UGGT2: variants seen among roughly 807,000 people sequenced by gnomAD.
The protein encoded by UGGT2 is UDP-glucose:glycoprotein glucosyltransferase 2.
In UGGT2, 180 loss-of-function variants were observed where a neutral mutation model predicts 192.1. The ratio of observed to expected loss-of-function variants is 0.94; its 90% CI spans 0.83 to 1.06. The LOEUF is 1.06. UGGT2 is among the 50% of genes least tolerant of loss of function. The probability of loss-of-function intolerance (pLI) is 0.00; values close to 1 mark genes in which losing one functional copy is unlikely to be tolerated. For missense variants in UGGT2, 1,849 were observed against 1,795.7 expected (o/e 1.03, Z -0.54); for synonymous variants, 580 against 591.0 (o/e 0.98, Z 0.27).
chr13:95,897,000 C>T (rs1447416311), intron 22 of UGGT2, among the ~76,000 whole-genome samples: 1 of 152,064 alleles, frequency 6.6e-6, no homozygotes, highest in African/African-American at 2.4e-5. Flanking sequence ...GAAGTTTGAT[C>T]AACTAGTTTT....
intron 2 of UGGT2, among the ~76,000 whole-genome samples, chr13:96,025,456 C>T (rs1341726560): frequency 2.6e-5 from 4 of 152,318 alleles, no homozygotes; most frequent in East Asian, 3.9e-4. Context: ...CAAACAATGT[C>T]TTAGTGGCAC....
intron 26 of UGGT2, chr13:95,887,492 A>G: frequency 3.2e-6 from 1 of 312,058 alleles, no homozygotes; most frequent in Non-Finnish European, 6.4e-6. Flanking sequence ...GGTTATTCTA[A>G]GCTAATTTTA....
chr13:95,868,944 T>A (rs926695672), intron 29 of UGGT2, among the ~76,000 whole-genome samples: 17 of 152,050 alleles, frequency 1.1e-4, no homozygotes, highest in Admixed American at 3.3e-4. Flanking sequence ...TGCAGGTTTG[T>A]TACATATGTA....
intron 11 of UGGT2, among the ~76,000 whole-genome samples, chr13:95,972,084 G>A (rs192440376): frequency 9.2e-5 from 14 of 151,602 alleles, no homozygotes; most frequent in Admixed American, 4.6e-4. Flanking sequence ...GATAAAGCAA[G>A]GACTTCCTAA....
At chr13:95,889,371 AT>A (rs2047736258) in intron 25 of UGGT2, among the ~76,000 whole-genome samples, 1 of 152,114 alleles carries the variant, frequency 6.6e-6, no homozygotes, top group Non-Finnish European at 1.5e-5. Context: ...TTCCAAAATT[AT>A]TTGTCTCCAC....
chr13:95,930,218 A>T (rs147760792), intron 17 of UGGT2, among the ~76,000 whole-genome samples: 89 of 152,192 alleles, frequency 5.8e-4, no homozygotes, highest in African/African-American at 2.0e-3. Context: ...TATATTCTGT[A>T]GGCTGTCTGT....
intron 2 of UGGT2, 32 bp downstream of exon 2, chr13:96,031,857 A>T (rs765798908): frequency 3.3e-6 from 5 of 1,512,926 alleles, no homozygotes; most frequent in Non-Finnish European, 4.5e-6. Context: ...ATAAATACAA[A>T]TCTTACAAGT....
Position 96,005,062 on chromosome 13 carries a change from T to C in UGGT2, c.661-5755A>G, listed in dbSNP as rs181308178. 1.4e-3 allele frequency among the ~76,000 whole-genome samples: 211 copies of C among 152,306 alleles called. 1 individual carries two copies. Among genetic ancestry groups the C allele is most frequent in the African/African-American group, 4.7e-3 (197 of 41,570 alleles). ...ATCTTCAACTTTATTTTTAAAGTTTTATTACTTCAATTAAAAAATAAACTT... is the reference window on the plus strand; with the variant it reads ...ATCTTCAACTTTATTTTTAAAGTTTCATTACTTCAATTAAAAAATAAACTT... On this transcript the variant is annotated intron_variant, in intron 5 of 38. Coordinates refer to ENST00000376747, the MANE Select transcript of UGGT2 (RefSeq NM_020121.4).
At chr13:95,831,513 C>A (rs1214665171) in intron 38 of UGGT2, among the ~76,000 whole-genome samples, 1 of 151,982 alleles carries the variant, frequency 6.6e-6, no homozygotes, top group Non-Finnish European at 1.5e-5. Context: ...TTTATGTAAC[C>A]AATTGTCTAT....
At chr13:96,035,995 T>C (rs2052990038) in intron 1 of UGGT2, among the ~76,000 whole-genome samples, 1 of 152,220 alleles carries the variant, frequency 6.6e-6, no homozygotes, top group Non-Finnish European at 1.5e-5. Flanking sequence ...GAAGACAGTG[T>C]GGCAATTCCT....
chr13:95,947,019 T>C lies in UGGT2; in HGVS notation c.1677+18A>G, dbSNP rs772174637. On this transcript the variant is annotated intron_variant, in intron 15 of 38. Coordinates refer to ENST00000376747, the MANE Select transcript of UGGT2 (RefSeq NM_020121.4). ...AATTTTACCTTCTAAACAAATCACA[T>C]TTAGTGCATAAACTCACGTGTACTA... 2 of 1,547,628 alleles carry C rather than the reference T, an allele frequency of 1.3e-6. No individual in the cohort carries two copies. The highest frequency in any genetic ancestry group is 8.7e-7 in the Non-Finnish European group (1 of 1,151,350).
At chr13:95,846,774 G>T (rs1888507400) in intron 36 of UGGT2, among the ~76,000 whole-genome samples, 1 of 152,136 alleles carries the variant, frequency 6.6e-6, no homozygotes, top group African/African-American at 2.4e-5. Context: ...TTCACGTTCT[G>T]ACTTTTGGTG....
At chr13:96,046,605 T>C (rs567369016) in intron 1 of UGGT2, among the ~76,000 whole-genome samples, 8 of 152,210 alleles carry the variant, frequency 5.3e-5, no homozygotes, top group Non-Finnish European at 1.0e-4. Flanking sequence ...TCATTGGGGC[T>C]TGTCAGACAG....
chr13:95,843,086 A>G (rs1413857228), intron 36 of UGGT2, among the ~76,000 whole-genome samples: 2 of 152,210 alleles, frequency 1.3e-5, no homozygotes, highest in African/African-American at 4.8e-5. Context: ...GTATTTATGT[A>G]CAAGCATTTG....
intron 2 of UGGT2, 92 bp from the exon 3 acceptor site, chr13:96,023,851 T>A: frequency 1.8e-6 from 2 of 1,089,014 alleles, no homozygotes; most frequent in East Asian, 5.5e-5. Flanking sequence ...TAATGTCATA[T>A]AATCATATCT....
At chr13:95,860,966 T>C (rs2077755436) in intron 31 of UGGT2, 83 bp from the exon 32 acceptor site, 1 of 646,488 alleles carries the variant, frequency 1.5e-6, no homozygotes, top group African/African-American at 1.9e-5. Flanking sequence ...AAGCAATCAA[T>C]ATAGAAATGT....
chr13:95,903,790 T>C (rs2048184236), intron 20 of UGGT2, among the ~76,000 whole-genome samples: 1 of 152,194 alleles, frequency 6.6e-6, no homozygotes, highest in African/African-American at 2.4e-5. Flanking sequence ...CTTCAGAAGA[T>C]GCTAAATAGT....
At chr13:95,913,889 T>C (rs1229530148) in intron 20 of UGGT2, among the ~76,000 whole-genome samples, 1 of 152,156 alleles carries the variant, frequency 6.6e-6, no homozygotes. Context: ...GTATACACCA[T>C]GGAATACTAT....
rs553064466 is a variant in UGGT2, at chr13:95,978,745, A to T, written c.1092+5059T>A. On this transcript the variant is annotated intron_variant, in intron 10 of 38. Transcript: ENST00000376747. Reference sequence around the variant, plus strand: ...GTCTAGTTTCATTCTTTACGATTAAAATTTGAAGTCAAATCAGATATAAAT... The same window carrying T: ...GTCTAGTTTCATTCTTTACGATTAATATTTGAAGTCAAATCAGATATAAAT... 5.9e-5 allele frequency among the ~76,000 whole-genome samples: 9 copies of T among 152,296 alleles called. No individual in the cohort carries two copies. The East Asian group carries it at 1.7e-3, about 29-fold the overall frequency.
Sources: allele counts gnomAD v4.1 joint callset (sites outside exome capture counted in the v4.1 genomes callset), GRCh38; gene constraint gnomAD v4.1.1; transcripts MANE v1.5; gene names NCBI Gene and HGNC (gene_info 2026-07-23, HGNC 2026-07-21).